Variants in MYOM3 observed in about 807,000 individuals in gnomAD.
The protein encoded by MYOM3 is myomesin-3.
Under a neutral mutation model 191.7 loss-of-function variants are expected in MYOM3, and 155 were observed. The observed-to-expected ratio is 0.81, with a 90% CI of 0.71 to 0.92. The LOEUF is 0.92. Among genes scored for constraint, MYOM3 ranks in the 40% least tolerant of loss-of-function variants. The probability of loss-of-function intolerance (pLI) is 0.00; values close to 1 mark genes in which losing one functional copy is unlikely to be tolerated. For missense variants in MYOM3, 1,889 were observed against 1,890.6 expected (o/e 1.00, Z 0.02); for synonymous variants, 757 against 762.9 (o/e 0.99, Z 0.13).
At chr1:24,067,387 T>TCC (rs1553155416) in intron 27 of MYOM3, among the ~76,000 whole-genome samples, 16 of 63,078 alleles carry the variant, frequency 2.5e-4, no homozygotes, top group South Asian at 1.3e-3. Flanking sequence ...TTTCTTTCTT[T>TCC]TTCCTTCCTT....
chr1:24,069,071 G>A (rs1223900240), intron 25 of MYOM3, among the ~76,000 whole-genome samples: 1 of 152,104 alleles, frequency 6.6e-6, no homozygotes, highest in South Asian at 2.1e-4. Flanking sequence ...ATTGGCGTGT[G>A]TAAAGGATAA....
intron 29 of MYOM3, 40 bp from the exon 30 acceptor site, chr1:24,064,199 TC>T: frequency 6.5e-7 from 1 of 1,536,754 alleles, no homozygotes; most frequent in Non-Finnish European, 9.0e-7. Context: ...CAGCATGGGC[TC>T]CAGAAGGAGA....
In MYOM3 at chr1:24,080,179, A is replaced by G; in HGVS notation, c.2423T>C (p.Val808Ala). 1 of 1,612,870 alleles carries G rather than the reference A, an allele frequency of 6.2e-7. No homozygotes were observed. The highest frequency in any genetic ancestry group is 8.5e-7 in the Non-Finnish European group (1 of 1,179,390). Residue 808 changes from valine (V) to alanine (A), a missense_variant, in exon 20 of 37, where the codon GTA becomes GCA. Coordinates refer to ENST00000374434, the MANE Select transcript of MYOM3 (RefSeq NM_152372.4). ...TGTGGCCCGCACCTCGGATGCCCGT[A>G]CATCGTACGGGGGGCCTGTGACAAG... ...TMPQPGPPYD[V>A]RASEVRATSL...
At chr1:24,076,998 T>A (rs1643609620) in intron 20 of MYOM3, among the ~76,000 whole-genome samples, 1 of 152,062 alleles carries the variant, frequency 6.6e-6, no homozygotes, top group Admixed American at 6.5e-5. Flanking sequence ...AGTTTTGTAT[T>A]TTTAGTAGAG....
intron 26 of MYOM3, 58 bp downstream of exon 26, chr1:24,068,165 C>A: frequency 7.0e-7 from 1 of 1,427,874 alleles, no homozygotes. Context: ...CAGGGCAGGC[C>A]AGGTGTGCGG....
At chr1:24,067,599 T>C (rs1415399247) in intron 27 of MYOM3, among the ~76,000 whole-genome samples, 3 of 151,746 alleles carry the variant, frequency 2.0e-5, no homozygotes, top group Non-Finnish European at 4.4e-5. Context: ...GTAGCTGGAA[T>C]TACAGGCGTG....
rs775286679 is a variant in MYOM3, at chr1:24,082,694, C to T, written c.1991G>A (p.Arg664Lys). 1.2e-6 allele frequency: 2 copies of T among 1,610,702 alleles called. No individual in the cohort carries two copies. The highest frequency in any genetic ancestry group is 8.5e-7 in the Non-Finnish European group (1 of 1,178,762). ...QGTRFTVPGL[R>K]TGKEYEFCVR... is the part of the protein sequence containing the mutation. Reference sequence around the variant, plus strand: ...ACAAAACTCGTACTCCTTCCCCGTCCTCAGCCCGGGAACTGTAAACCTGGG... The same window carrying T: ...ACAAAACTCGTACTCCTTCCCCGTCTTCAGCCCGGGAACTGTAAACCTGGG... The change falls in exon 17 of 37, where the codon AGG becomes AAG. Residue 664 changes from arginine (R) to lysine (K), a missense_variant. Coordinates refer to ENST00000374434, the MANE Select transcript of MYOM3 (RefSeq NM_152372.4).
Position 24,057,430 on chromosome 1 carries a change from C to A in MYOM3, c.4248G>T (p.Glu1416Asp), listed in dbSNP as rs368632479. 2.5e-6 allele frequency: 4 copies of A among 1,614,086 alleles called. No individual in the cohort carries two copies. The highest frequency in any genetic ancestry group is 8.5e-7 in the Non-Finnish European group (1 of 1,180,060). ...ACACACTGATGGTGACCTGGCCCGT[C>A]TCGGAGCCATACTTGTTCTTGACGA... Reference protein sequence around the residue: ...GVFVKNKYGSETGQVTISVFK... With the variant: ...GVFVKNKYGSDTGQVTISVFK... The change falls in exon 37 of 37, where the codon GAG becomes GAT. Residue 1416 changes from glutamate to aspartate, a missense_variant. Physicochemically the swap from Glu to Asp is conservative, Grantham distance 45. Coordinates refer to ENST00000374434, the MANE Select transcript of MYOM3 (RefSeq NM_152372.4).
intron 6 of MYOM3, 104 bp from the exon 7 acceptor site, chr1:24,098,115 C>T (rs558405535): frequency 4.3e-5 from 34 of 783,130 alleles, no homozygotes; most frequent in Middle Eastern, 2.3e-4. Context: ...GAAAGCCTCA[C>T]GGTGCCAGGA....
intron 20 of MYOM3, 66 bp from the exon 21 acceptor site, chr1:24,076,339 G>T: frequency 8.9e-7 from 1 of 1,128,108 alleles, no homozygotes; most frequent in South Asian, 1.2e-5. Flanking sequence ...CTGGGCCCCA[G>T]GGAGCAGGGA....
chr1:24,094,956 C>T lies in MYOM3; in HGVS notation c.825G>A (p.Ser275=), dbSNP rs371589805. ...STFGPSVEFT[S]VLKPVFAREK... is the part of the protein sequence containing the mutation. The stretch of plus-strand genomic sequence containing the variant: ...CACGAGCAAAGACTGGCTTCAGCAC[C>T]GAGGTGAATTCCACGCTGGGGCCAA... Residue 275 remains serine, a synonymous_variant, in exon 9 of 37, where the codon TCG becomes TCA. Coordinates refer to ENST00000374434, the MANE Select transcript of MYOM3 (RefSeq NM_152372.4). The T allele has an allele frequency of 9.9e-6, 16 of 1,613,696 alleles. No homozygotes were observed. The highest frequency in any genetic ancestry group is 8.0e-5 in the African/African-American group (6 of 74,876).
intron 20 of MYOM3, 82 bp from the exon 21 acceptor site, chr1:24,076,355 T>C: frequency 1.0e-6 from 1 of 983,196 alleles, no homozygotes; most frequent in South Asian, 1.3e-5. Context: ...AGGGAGCCAC[T>C]CTCAATAAGA....
Position 24,089,525 on chromosome 1 carries a change from CG to C in MYOM3, c.1614+12del. ...TCAGGCTGGCCTGGGGCTGGGGCCTCGGGGTTCCCTACCTTCTCCAGGGAGT... is the reference window on the plus strand; with the variant it reads ...TCAGGCTGGCCTGGGGCTGGGGCCTCGGGTTCCCTACCTTCTCCAGGGAGT... On this transcript the variant is annotated intron_variant, in intron 14 of 36. Coordinates refer to ENST00000374434, the MANE Select transcript of MYOM3 (RefSeq NM_152372.4). 5 of 1,592,174 alleles carry C rather than the reference CG, an allele frequency of 3.1e-6. No homozygotes were observed. The highest frequency in any genetic ancestry group is 3.4e-6 in the Non-Finnish European group (4 of 1,169,018).
At chr1:24,098,557 C>G (rs1056450952) in intron 6 of MYOM3, among the ~76,000 whole-genome samples, 9 of 152,218 alleles carry the variant, frequency 5.9e-5, no homozygotes, top group African/African-American at 1.9e-4. Flanking sequence ...CCAGGGGCAC[C>G]CTGGTGACAG....
chr1:24,108,242 A>G, intron 2 of MYOM3, 169 bp from the exon 3 acceptor site: 2 of 750,752 alleles, frequency 2.7e-6, no homozygotes, highest in Non-Finnish European at 4.3e-6. Flanking sequence ...CCGACCCTGA[A>G]TGTGCTTCCC....
intron 9 of MYOM3, among the ~76,000 whole-genome samples, chr1:24,094,577 G>C (rs1183295605): frequency 6.6e-6 from 1 of 152,098 alleles, no homozygotes; most frequent in African/African-American, 2.4e-5. Flanking sequence ...CTCCCAGGTG[G>C]ACACAGCCCC....
chr1:24,061,443 G>C (rs1431049172), intron 33 of MYOM3, 134 bp from the exon 34 acceptor site: 2 of 879,992 alleles, frequency 2.3e-6, no homozygotes, highest in Non-Finnish European at 3.7e-6. Context: ...TTTCTTTGGG[G>C]CAGTGGCAGG....
intron 25 of MYOM3, among the ~76,000 whole-genome samples, chr1:24,069,793 T>C (rs1350318446): frequency 6.6e-6 from 1 of 152,098 alleles, no homozygotes; most frequent in Non-Finnish European, 1.5e-5. Flanking sequence ...GTATTTTTAG[T>C]AGAGATGGGG....
At chr1:24,075,026 G>A (rs1396249788) in intron 22 of MYOM3, among the ~76,000 whole-genome samples, 1 of 152,104 alleles carries the variant, frequency 6.6e-6, no homozygotes, top group Non-Finnish European at 1.5e-5. Flanking sequence ...GCAGTGAGCC[G>A]AGATCATGCC....
Sources: gnomAD v4.1 joint callset for allele counts (sites outside exome capture counted in the v4.1 genomes callset) on GRCh38, gnomAD v4.1.1 for gene constraint, MANE v1.5 for transcripts, NCBI Gene and HGNC (gene_info 2026-07-23, HGNC 2026-07-21) for gene names.